The following NBEA variants were observed in gnomAD, a reference collection of about 807,000 sequenced individuals.
NBEA encodes neurobeachin, also known as lysosomal-trafficking regulator 2.
Under a neutral mutation model 343.4 loss-of-function variants are expected in NBEA, and 44 were observed. The ratio of observed to expected loss-of-function variants is 0.13; its 90% CI spans 0.10 to 0.16. The LOEUF is 0.16. Among genes scored for constraint, NBEA ranks in the 10% least tolerant of loss-of-function variants. The pLI is 1.00. For missense variants in NBEA, 2,555 were observed against 3,631.3 expected, an observed-to-expected ratio of 0.70 and a Z score of 7.62; for synonymous variants, 1,175 against 1,238.7, an observed-to-expected ratio of 0.95 and a Z score of 1.08.
chr13:35,317,885 G>T (rs1482737943), intron 36 of NBEA, among the ~76,000 whole-genome samples: 1 of 152,130 alleles, frequency 6.6e-6, no homozygotes, highest in East Asian at 1.9e-4. Flanking sequence ...GTTCACTCAT[G>T]ATTTGGCTCT....
At chr13:34,985,612 T>G (rs1031766215) in intron 1 of NBEA, among the ~76,000 whole-genome samples, 10 of 150,690 alleles carry the variant, frequency 6.6e-5, no homozygotes, top group African/African-American at 2.4e-4. Flanking sequence ...TCAGAAGGAG[T>G]GCTACCAGCT....
chr13:35,309,840 A>G (rs1411208294), intron 36 of NBEA, among the ~76,000 whole-genome samples: 3 of 152,176 alleles, frequency 2.0e-5, no homozygotes, highest in Admixed American at 2.0e-4. Context: ...AGTACATTTT[A>G]CTGAGTAGTA....
At chr13:35,103,979 C>T (rs192094717) in intron 11 of NBEA, among the ~76,000 whole-genome samples, 1 of 151,910 alleles carries the variant, frequency 6.6e-6, no homozygotes, top group East Asian at 1.9e-4. Flanking sequence ...TAAAATGTGC[C>T]AAATCTTATT....
At chr13:35,566,847 A>C in intron 44 of NBEA, 58 bp from the exon 45 acceptor site, 2 of 919,966 alleles carry the variant, frequency 2.2e-6, no homozygotes, top group South Asian at 3.1e-5. Context: ...GTAAAAACAG[A>C]AACTATTTCA....
chr13:35,567,641 G>T (rs909728751), intron 45 of NBEA, among the ~76,000 whole-genome samples: 2 of 152,154 alleles, frequency 1.3e-5, no homozygotes, highest in Non-Finnish European at 2.9e-5. Flanking sequence ...CTAAGCTTAC[G>T]CCAGAGGCCT....
At chr13:35,219,193 C>T (rs1456815062) in intron 33 of NBEA, among the ~76,000 whole-genome samples, 1 of 152,050 alleles carries the variant, frequency 6.6e-6, no homozygotes, top group Non-Finnish European at 1.5e-5. Context: ...GCCTTCCTGC[C>T]TTCCTGCCTT....
chr13:35,438,417 G>C (rs184792833), intron 39 of NBEA, among the ~76,000 whole-genome samples: 2 of 152,134 alleles, frequency 1.3e-5, no homozygotes, highest in Non-Finnish European at 1.5e-5. Context: ...TACTAAGACA[G>C]CTATACAATT....
chr13:35,126,682 G>A lies in NBEA; in HGVS notation c.2336+3108G>A, dbSNP rs140883025. The stretch of plus-strand genomic sequence containing the variant: ...GCCTGTAATCCCAGCACTTTGGGAG[G>A]CCGAGGTGGGCAGATCAACGAGGTC... On this transcript the variant is annotated intron_variant, in intron 17 of 58. Transcript: ENST00000379939. Among the ~76,000 whole-genome samples, 614 of 152,212 alleles carry A rather than the reference G, an allele frequency of 4.0e-3. 2 individuals are homozygous for A. Among genetic ancestry groups the A allele is most frequent in the African/African-American group, 0.014 (594 of 41,544 alleles).
chr13:35,413,545 C>T (rs2043715091), intron 38 of NBEA, among the ~76,000 whole-genome samples: 1 of 152,026 alleles, frequency 6.6e-6, no homozygotes, highest in South Asian at 2.1e-4. Context: ...TAAGGAAAAT[C>T]AAGTACATGC....
chr13:35,211,497 TG>T (rs890919976), intron 33 of NBEA, among the ~76,000 whole-genome samples: 3 of 152,054 alleles, frequency 2.0e-5, no homozygotes, highest in African/African-American at 7.2e-5. Context: ...TGGGCATCTT[TG>T]GGGGGTGATA....
intron 27 of NBEA, among the ~76,000 whole-genome samples, chr13:35,175,300 A>G (rs1044500009): frequency 1.3e-5 from 2 of 152,184 alleles, no homozygotes; most frequent in East Asian, 3.9e-4. Context: ...ACAAAAAGTG[A>G]TAATAGACTG....
chr13:35,128,906 A>T (rs1290973971), intron 17 of NBEA, among the ~76,000 whole-genome samples: 1 of 152,102 alleles, frequency 6.6e-6, no homozygotes, highest in Non-Finnish European at 1.5e-5. Context: ...TTAATGGAAG[A>T]TCTGAAAGCA....
rs115784088 is a variant in NBEA at position 35,464,103 on chromosome 13, T to C, written c.6449-8297T>C. 5.0e-3 allele frequency among the ~76,000 whole-genome samples: 761 copies of C among 152,108 alleles called. 2 individuals are homozygous for C. The highest frequency in any genetic ancestry group is 0.017 in the African/African-American group (719 of 41,474). On this transcript the variant is annotated intron_variant, in intron 40 of 58. Transcript: ENST00000379939. ...ATTATATAATCAGGATGAACAAATA[T>C]ATAGGTGAACTTTTCTAGAAAAAAA...
At chr13:35,085,817 T>C (rs1298812446) in intron 10 of NBEA, among the ~76,000 whole-genome samples, 1 of 152,114 alleles carries the variant, frequency 6.6e-6, no homozygotes, top group East Asian at 1.9e-4. Flanking sequence ...ATGACATGAT[T>C]GTATATCTAG....
chr13:35,328,976 A>G (rs564809762), intron 36 of NBEA, among the ~76,000 whole-genome samples: 1 of 152,118 alleles, frequency 6.6e-6, no homozygotes, highest in South Asian at 2.1e-4. Flanking sequence ...GGAAGGAAAT[A>G]GAGAATCCAG....
chr13:35,343,469 C>A (rs666915), intron 36 of NBEA, among the ~76,000 whole-genome samples: 22,678 of 152,054 alleles, frequency 0.15, 1,853 homozygotes, highest in East Asian at 0.23. Flanking sequence ...AACATGTAAC[C>A]TGTGTAAAAT....
intron 36 of NBEA, among the ~76,000 whole-genome samples, chr13:35,311,909 G>C (rs1049151680): frequency 6.6e-6 from 1 of 152,052 alleles, no homozygotes; most frequent in Non-Finnish European, 1.5e-5. Context: ...TGTCCATTAT[G>C]TTCTCTGTGC....
chr13:35,458,585 T>C (rs1253690558), intron 40 of NBEA, among the ~76,000 whole-genome samples: 1 of 152,218 alleles, frequency 6.6e-6, no homozygotes, highest in Non-Finnish European at 1.5e-5. Flanking sequence ...AACTGAATTA[T>C]TCAAATAATT....
chr13:35,505,783 G>C (rs1396627761), intron 41 of NBEA, among the ~76,000 whole-genome samples: 2 of 152,092 alleles, frequency 1.3e-5, no homozygotes, highest in African/African-American at 2.4e-5. Flanking sequence ...CATTTTAAAA[G>C]TTCTTTGTGT....
Sources: gnomAD v4.1 joint callset for allele counts (sites outside exome capture counted in the v4.1 genomes callset) on GRCh38, gnomAD v4.1.1 for gene constraint, MANE v1.5 for transcripts, NCBI Gene and HGNC (gene_info 2026-07-23, HGNC 2026-07-21) for gene names.